NSD2: variants seen among roughly 807,000 people sequenced by gnomAD.
The protein encoded by NSD2 is nuclear receptor binding SET domain protein 2.
NSD2 carries 12 observed loss-of-function variants against 139.0 expected under a neutral mutation model. The ratio of observed to expected loss-of-function variants is 0.09; its 90% CI spans 0.06 to 0.14. NSD2 has a LOEUF of 0.14. Among genes scored for constraint, NSD2 ranks in the 10% least tolerant of loss-of-function variants. The pLI is 1.00. For synonymous variants in NSD2, 669 were observed against 648.7 expected (o/e 1.03, Z -0.48); for missense variants, 1,155 against 1,745.0 (o/e 0.66, Z 6.02).
At chr4:1,928,331 A>G (rs576256530) in intron 5 of NSD2, among the ~76,000 whole-genome samples, 3 of 152,188 alleles carry the variant, frequency 2.0e-5, no homozygotes, top group African/African-American at 7.2e-5. Flanking sequence ...TAAGGTAAAT[A>G]TAAATTATCT....
Position 1,958,810 on chromosome 4 carries a change from C to A in NSD2, c.2986-661C>A, listed in dbSNP as rs1180642443. ...AATGTTTAGATTCTTGGGGAATATT[C>A]CCAGATTGTTCTCCAAAATGTACAG... On this transcript the variant is annotated intron_variant, in intron 16 of 21. Transcript: ENST00000508803. This position sits in a 1 kb window ranked among gnomAD's most constrained non-coding sequence, Gnocchi z 4.6. Among the ~76,000 whole-genome samples the A allele has an allele frequency of 1.3e-5, 2 of 152,320 alleles. No homozygotes were observed. The highest frequency in any genetic ancestry group is 3.9e-4 in the East Asian group (2 of 5,184).
chr4:1,893,103 C>G (rs1046671366), intron 1 of NSD2, among the ~76,000 whole-genome samples: 6 of 152,174 alleles, frequency 3.9e-5, no homozygotes, highest in African/African-American at 1.4e-4. Flanking sequence ...TTTGACATCT[C>G]TAACTCTAAT....
intron 18 of NSD2, among the ~76,000 whole-genome samples, chr4:1,966,344 T>G (rs1391121455): frequency 2.4e-5 from 3 of 123,270 alleles, no homozygotes; most frequent in Non-Finnish European, 5.1e-5. Flanking sequence ...CTCCATTTGT[T>G]TGTTTGTTGT....
In NSD2 at chr4:1,958,401, C is replaced by T. The variant is rs1725042590; in HGVS notation, c.2985+365C>T. Among the ~76,000 whole-genome samples the T allele has an allele frequency of 6.6e-6, 1 of 152,220 alleles. No individual in the cohort carries two copies. The highest frequency in any genetic ancestry group is 2.1e-4 in the South Asian group (1 of 4,834). ...CGGCCAGGGCTCAGTGACTGAGCCC[C>T]AAACACGTAGATCCTGTACCTCAGA... On this transcript the variant is annotated intron_variant, in intron 16 of 21. Coordinates refer to ENST00000508803, the MANE Select transcript of NSD2 (RefSeq NM_001042424.3). The surrounding 1 kb of genome is among the most constrained non-coding windows in gnomAD (Gnocchi z 4.6).
At chr4:1,876,765 T>C (rs761100221) in intron 1 of NSD2, among the ~76,000 whole-genome samples, 16 of 151,890 alleles carry the variant, frequency 1.1e-4, no homozygotes, top group Non-Finnish European at 1.8e-4. Flanking sequence ...TTTTTTTTTC[T>C]GGAAGGAATT....
intron 8 of NSD2, chr4:1,939,429 G>T: frequency 1.8e-6 from 1 of 567,220 alleles, no homozygotes; most frequent in Non-Finnish European, 3.1e-6. Flanking sequence ...CTGGCCCCAG[G>T]TTGATGTTTT....
intron 6 of NSD2, among the ~76,000 whole-genome samples, chr4:1,931,427 GGTTA>G (rs1394804471): frequency 4.6e-5 from 7 of 152,226 alleles, no homozygotes; most frequent in African/African-American, 1.7e-4. Flanking sequence ...GTGTAACAGT[GGTTA>G]GATTTGTGAT....
chr4:1,883,876 G>C (rs1714887741), intron 1 of NSD2, among the ~76,000 whole-genome samples: 3 of 152,192 alleles, frequency 2.0e-5, no homozygotes. Context: ...GAGCTGCGTT[G>C]CTGCCTCTTG....
At chr4:1,950,055 T>G (rs1724049310) in intron 9 of NSD2, among the ~76,000 whole-genome samples, 1 of 152,262 alleles carries the variant, frequency 6.6e-6, no homozygotes, top group South Asian at 2.1e-4. Context: ...TAGTTTATGC[T>G]TTTGCTCTGT....
chr4:1,943,030 G>A (rs1293964861), intron 9 of NSD2: 3 of 1,050,220 alleles, frequency 2.9e-6, no homozygotes, highest in South Asian at 4.6e-5. Context: ...TTTGATCCAA[G>A]GCCCCGGACC....
intron 18 of NSD2, among the ~76,000 whole-genome samples, chr4:1,970,372 A>G (rs1726330608): frequency 6.6e-6 from 1 of 152,228 alleles, no homozygotes; most frequent in Admixed American, 6.5e-5. Context: ...TGGGTGTAAC[A>G]GCTACAGAGA....
At chr4:1,885,641 C>T (rs1046801673) in intron 1 of NSD2, among the ~76,000 whole-genome samples, 7 of 151,706 alleles carry the variant, frequency 4.6e-5, no homozygotes, top group African/African-American at 1.7e-4. Context: ...TGCTCTGGGT[C>T]CTTGAGCCTA....
chr4:1,938,412 CTTTCTTTT>C, intron 7 of NSD2, 31 bp from the exon 8 acceptor site: 1 of 635,586 alleles, frequency 1.6e-6, no homozygotes, highest in Non-Finnish European at 2.0e-6. Context: ...TTTTTTTTTT[CTTTCTTTT>C]TTTTTTTTTT....
intron 1 of NSD2, 121 bp from the exon 2 acceptor site, chr4:1,900,504 AC>A: frequency 3.5e-6 from 2 of 573,884 alleles, no homozygotes; most frequent in South Asian, 4.2e-5. Flanking sequence ...TATTATAAAA[AC>A]ATCATAAATT....
chr4:1,982,038 T>TA lies in NSD2; in HGVS notation c.*3130dup, dbSNP rs1416849951. The TA allele has an allele frequency of 5.0e-6, 2 of 398,010 alleles. No individual in the cohort carries two copies. Among genetic ancestry groups the TA allele is most frequent in the East Asian group, 3.6e-5 (1 of 28,082 alleles). 24.7% of individuals were successfully genotyped at this position (398,010 alleles called of 1,614,324 possible). ...GGGTGCTGTCACCAGGTTTGATAGT[T>TA]AGACTTAAAAACTTGAAATTCACTT... is the stretch of plus-strand genomic sequence containing the variant. On this transcript the variant is annotated 3_prime_UTR_variant, in exon 22 of 22. Coordinates refer to ENST00000508803, the MANE Select transcript of NSD2 (RefSeq NM_001042424.3).
intron 7 of NSD2, among the ~76,000 whole-genome samples, chr4:1,937,195 G>C (rs1332369580): frequency 6.6e-6 from 1 of 152,094 alleles, no homozygotes; most frequent in East Asian, 1.9e-4. Context: ...GGGATTACAG[G>C]TGCGTGCCAC....
intron 3 of NSD2, 50 bp from the exon 4 acceptor site, chr4:1,916,821 T>C: frequency 6.4e-7 from 1 of 1,563,934 alleles, no homozygotes; most frequent in South Asian, 1.2e-5. Context: ...TTGACTAGTT[T>C]CATCCCAGAT....
At position 1,923,993 on chromosome 4, in the gene NSD2, G is replaced by C. The variant is rs147949167; in HGVS notation, c.1410+5370G>C. Among the ~76,000 whole-genome samples, 261 of 152,286 alleles carry C rather than the reference G, an allele frequency of 1.7e-3. 1 individual carries two copies. Among genetic ancestry groups the C allele is most frequent in the Non-Finnish European group, 2.4e-3 (160 of 68,018 alleles). The stretch of plus-strand genomic sequence containing the variant: ...TAAGTGGGCAGCTGTGAAGGTATGT[G>C]CCTCTCTCCAGGAGCCAAGAGGTCT... On this transcript the variant is annotated intron_variant, in intron 5 of 21. Transcript: ENST00000508803.
intron 1 of NSD2, among the ~76,000 whole-genome samples, chr4:1,883,633 A>G (rs1011206372): frequency 1.4e-5 from 2 of 145,538 alleles, no homozygotes; most frequent in African/African-American, 5.1e-5. Flanking sequence ...TTTGTTTCCA[A>G]AAAAAAAAAA....
Sources: gnomAD v4.1 joint callset for allele counts (sites outside exome capture counted in the v4.1 genomes callset) on GRCh38, gnomAD v4.1.1 for gene constraint, Gnocchi (gnomAD v3.1) non-coding constraint, MANE v1.5 for transcripts, NCBI Gene and HGNC (gene_info 2026-07-23, HGNC 2026-07-21) for gene names.